Variants in SLC4A10 observed in about 807,000 individuals in gnomAD.
SLC4A10 encodes solute carrier family 4 member 10.
In SLC4A10, 42 loss-of-function variants were observed where a neutral mutation model predicts 137.7. The observed-to-expected ratio is 0.30, with a 90% CI of 0.24 to 0.39. The LOEUF (loss-of-function observed/expected upper bound fraction) is 0.39, where lower values mean the gene tolerates loss of function less well. Among genes scored for constraint, SLC4A10 ranks in the 10% least tolerant of loss-of-function variants. The pLI, the probability that SLC4A10 is intolerant of heterozygous loss-of-function variation, is 1.00. For synonymous variants in SLC4A10, 474 were observed against 464.1 expected (o/e 1.02, Z -0.27); for missense variants, 925 against 1,355.0 (o/e 0.68, Z 4.98).
intron 4 of SLC4A10, among the ~76,000 whole-genome samples, chr2:161,850,201 C>A (rs1351787388): frequency 6.6e-6 from 1 of 151,856 alleles, no homozygotes; most frequent in Non-Finnish European, 1.5e-5. Flanking sequence ...ACCAGCTTGG[C>A]CAAAATGGCA....
intron 5 of SLC4A10, among the ~76,000 whole-genome samples, chr2:161,861,082 A>G (rs1256040263): frequency 6.6e-6 from 1 of 152,220 alleles, no homozygotes; most frequent in Non-Finnish European, 1.5e-5. Context: ...GACAGAGATC[A>G]TATGGCCTAC....
chr2:161,906,826 G>C (rs191064378), intron 15 of SLC4A10, among the ~76,000 whole-genome samples: 5 of 152,040 alleles, frequency 3.3e-5, no homozygotes, highest in Admixed American at 2.6e-4. Flanking sequence ...AGGCCGAGGC[G>C]GGCGGATCAC....
intron 5 of SLC4A10, among the ~76,000 whole-genome samples, chr2:161,856,584 G>A (rs1255513183): frequency 2.6e-5 from 4 of 151,994 alleles, no homozygotes; most frequent in Admixed American, 1.3e-4. Context: ...TAGAGAAAAT[G>A]ATTAACTCAG....
intron 10 of SLC4A10, among the ~76,000 whole-genome samples, chr2:161,888,104 G>T (rs894186474): frequency 1.3e-5 from 2 of 152,146 alleles, no homozygotes; most frequent in Non-Finnish European, 2.9e-5. Flanking sequence ...TCAAAGATCA[G>T]GTGGTTGTAG....
intron 1 of SLC4A10, among the ~76,000 whole-genome samples, chr2:161,687,320 A>G (rs2041537079): frequency 6.6e-6 from 1 of 152,184 alleles, no homozygotes. Context: ...TGGCATTCTG[A>G]ATGTGCTAAA....
At chr2:161,974,897 C>G (rs1421061008) in intron 24 of SLC4A10, among the ~76,000 whole-genome samples, 2 of 152,174 alleles carry the variant, frequency 1.3e-5, no homozygotes, top group Non-Finnish European at 2.9e-5. Context: ...TCTCCCCTCT[C>G]TCTCTCTTCT....
intron 5 of SLC4A10, among the ~76,000 whole-genome samples, chr2:161,855,766 A>T (rs1441120676): frequency 6.6e-6 from 1 of 152,116 alleles, no homozygotes; most frequent in African/African-American, 2.4e-5. Flanking sequence ...ATATTTTAGT[A>T]AAAACAAAAT....
At chr2:161,866,168 C>T (rs1464949796) in intron 6 of SLC4A10, among the ~76,000 whole-genome samples, 2 of 151,974 alleles carry the variant, frequency 1.3e-5, no homozygotes, top group Non-Finnish European at 2.9e-5. Flanking sequence ...AAAGTTTATA[C>T]TTCCTTAATT....
At chr2:161,921,685 C>T (rs1273073701) in intron 15 of SLC4A10, among the ~76,000 whole-genome samples, 5 of 152,250 alleles carry the variant, frequency 3.3e-5, no homozygotes, top group Non-Finnish European at 1.5e-5. Context: ...AGTATTATCC[C>T]TGCTTTACAA....
intron 18 of SLC4A10, among the ~76,000 whole-genome samples, chr2:161,949,926 G>A (rs1428016007): frequency 6.6e-6 from 1 of 151,680 alleles, no homozygotes; most frequent in Non-Finnish European, 1.5e-5. Flanking sequence ...GCGCTCAAAA[G>A]TTTCAGATTT....
intron 1 of SLC4A10, among the ~76,000 whole-genome samples, chr2:161,731,394 A>C (rs1341640492): frequency 6.6e-6 from 1 of 152,188 alleles, no homozygotes; most frequent in African/African-American, 2.4e-5. Context: ...AAAGATAAAT[A>C]ACAATAAACA....
At chr2:161,633,001 G>A (rs1016367091) in intron 1 of SLC4A10, among the ~76,000 whole-genome samples, 13 of 151,466 alleles carry the variant, frequency 8.6e-5, no homozygotes, top group Non-Finnish European at 1.8e-4. Context: ...GTATATACAT[G>A]TATATATATC....
intron 1 of SLC4A10, among the ~76,000 whole-genome samples, chr2:161,730,373 C>T (rs16846076): frequency 0.025 from 3,776 of 152,176 alleles, 120 homozygotes; most frequent in African/African-American, 0.075. Flanking sequence ...ATTTTGGTTT[C>T]ATTTGTCCAT....
intron 15 of SLC4A10, among the ~76,000 whole-genome samples, chr2:161,910,056 C>T (rs76713929): frequency 0.28 from 42,508 of 151,910 alleles, 7,655 homozygotes; most frequent in Non-Finnish European, 0.41. Flanking sequence ...AGATTGCAAC[C>T]TTTGCAAACA....
intron 5 of SLC4A10, among the ~76,000 whole-genome samples, chr2:161,856,844 T>C (rs1273327096): frequency 6.6e-6 from 1 of 152,176 alleles, no homozygotes; most frequent in Non-Finnish European, 1.5e-5. Flanking sequence ...AACTAAGATT[T>C]AAAAGGTTAA....
intron 1 of SLC4A10, among the ~76,000 whole-genome samples, chr2:161,634,389 T>C (rs1054489854): frequency 6.6e-6 from 1 of 151,832 alleles, no homozygotes; most frequent in Non-Finnish European, 1.5e-5. Flanking sequence ...TTTTTCCCAT[T>C]GAAAAGTCAA....
intron 2 of SLC4A10, among the ~76,000 whole-genome samples, chr2:161,788,563 T>A (rs1433814397): frequency 6.6e-6 from 1 of 152,086 alleles, no homozygotes; most frequent in Non-Finnish European, 1.5e-5. Flanking sequence ...CGTTTTCCTA[T>A]CACACCTTTC....
chr2:161,938,315 T>G (rs1429039235), intron 15 of SLC4A10, among the ~76,000 whole-genome samples: 1 of 152,004 alleles, frequency 6.6e-6, no homozygotes, highest in Non-Finnish European at 1.5e-5. Context: ...AAAGAAAAGT[T>G]AGCTTTATTT....
chr2:161,949,059 G>A (rs1179503959), intron 17 of SLC4A10, 89 bp from the exon 18 acceptor site: 3 of 775,200 alleles, frequency 3.9e-6, no homozygotes, highest in Non-Finnish European at 6.5e-6. Context: ...GTCATAAAGT[G>A]TTTATAAAGT....
Sources: gnomAD v4.1 joint callset for allele counts (sites outside exome capture counted in the v4.1 genomes callset) on GRCh38, gnomAD v4.1.1 for gene constraint, MANE v1.5 for transcripts, NCBI Gene and HGNC (gene_info 2026-07-23, HGNC 2026-07-21) for gene names.